Variants in SLC35F3 observed in about 807,000 individuals in gnomAD.
SLC35F3 encodes the protein solute carrier family 35 member F3.
A neutral mutation model predicts 49.9 loss-of-function variants in SLC35F3; 25 were observed. That is an observed-to-expected ratio of 0.50 (90% confidence interval 0.37 to 0.70). The LOEUF is 0.70. Among genes scored for constraint, SLC35F3 ranks in the 30% least tolerant of loss-of-function variants. SLC35F3 has a pLI of 0.00. For synonymous variants in SLC35F3, 275 were observed against 265.4 expected, an observed-to-expected ratio of 1.04 and a Z score of -0.35; for missense variants, 525 against 639.8, an observed-to-expected ratio of 0.82 and a Z score of 1.94.
chr1:234,153,210 TG>T (rs1666100931), intron 2 of SLC35F3, among the ~76,000 whole-genome samples: 1 of 152,206 alleles, frequency 6.6e-6, no homozygotes, highest in Non-Finnish European at 1.5e-5. Context: ...GACAATCACA[TG>T]ACTAGAGAGA....
intron 2 of SLC35F3, among the ~76,000 whole-genome samples, chr1:234,190,831 ACT>A (rs1666719136): frequency 6.6e-6 from 1 of 152,246 alleles, no homozygotes; most frequent in Non-Finnish European, 1.5e-5. Flanking sequence ...AGCAATTATT[ACT>A]GTTACTGCTT....
chr1:234,167,891 C>T lies in SLC35F3; in HGVS notation c.284-63526C>T, dbSNP rs557103475. ...CCAGCCCATGTTCTATCCCCTAGACCTGAGGTTGGCGCACTTTCTGGAATA... is the reference window on the plus strand; with the variant it reads ...CCAGCCCATGTTCTATCCCCTAGACTTGAGGTTGGCGCACTTTCTGGAATA... On this transcript the variant is annotated intron_variant, in intron 2 of 7. Transcript: ENST00000366618. Among the ~76,000 whole-genome samples, 8 of 152,286 alleles carry T rather than the reference C, an allele frequency of 5.3e-5. No individual in the cohort carries two copies. In the East Asian group the frequency reaches 1.5e-3, roughly 29 times the overall value.
chr1:233,924,138 T>A (rs2102789545), intron 2 of SLC35F3, among the ~76,000 whole-genome samples: 1 of 152,358 alleles, frequency 6.6e-6, no homozygotes, highest in Middle Eastern at 3.4e-3. Context: ...GGCTTTGGTA[T>A]CAGGATGATG....
intron 3 of SLC35F3, among the ~76,000 whole-genome samples, chr1:234,268,038 C>A (rs1668025718): frequency 6.6e-6 from 1 of 151,852 alleles, no homozygotes; most frequent in African/African-American, 2.4e-5. Context: ...ACGCTCCTCA[C>A]TTCCCAGACG....
At chr1:234,106,075 T>A (rs2102884574) in intron 2 of SLC35F3, among the ~76,000 whole-genome samples, 1 of 152,330 alleles carries the variant, frequency 6.6e-6, no homozygotes, top group South Asian at 2.1e-4. Flanking sequence ...CCACTGAAAT[T>A]TATGACTACG....
At chr1:234,155,604 T>A (rs909726749) in intron 2 of SLC35F3, among the ~76,000 whole-genome samples, 2 of 151,892 alleles carry the variant, frequency 1.3e-5, no homozygotes, top group Non-Finnish European at 2.9e-5. Context: ...ACAATTAAAA[T>A]ATTGTTAAAA....
At chr1:234,185,691 G>A (rs1173601594) in intron 2 of SLC35F3, among the ~76,000 whole-genome samples, 1 of 152,082 alleles carries the variant, frequency 6.6e-6, no homozygotes, top group African/African-American at 2.4e-5. Flanking sequence ...ACTTGGAAGG[G>A]GATACTTAAG....
intron 2 of SLC35F3, among the ~76,000 whole-genome samples, chr1:233,940,944 G>C (rs542845396): frequency 6.6e-6 from 1 of 152,276 alleles, no homozygotes; most frequent in South Asian, 2.1e-4. Context: ...CTCACCCACT[G>C]CCCGTGAAGA....
intron 2 of SLC35F3, among the ~76,000 whole-genome samples, chr1:233,922,404 A>AT (rs1662078193): frequency 6.8e-6 from 1 of 146,972 alleles, no homozygotes; most frequent in Non-Finnish European, 1.5e-5. Flanking sequence ...GATGATGAGC[A>AT]TTTTTTCATG....
chr1:234,229,865 A>T (rs1431545196), intron 2 of SLC35F3, among the ~76,000 whole-genome samples: 2 of 152,214 alleles, frequency 1.3e-5, no homozygotes, highest in East Asian at 3.8e-4. Flanking sequence ...ATTCACGGTG[A>T]GGAAAGTCAA....
rs1657551588 is a variant in SLC35F3 at position 234,318,820 on chromosome 1, G to A, written c.1024G>A (p.Val342Met). The A allele has an allele frequency of 6.2e-7, 1 of 1,614,106 alleles. No homozygotes were observed. Among genetic ancestry groups the A allele is most frequent in the South Asian group, 1.1e-5 (1 of 91,092 alleles). Residue 342 changes from valine (V) to methionine (M), a missense_variant, in exon 6 of 8, where the codon GTG (valine) becomes ATG (methionine). Physicochemically the swap from Val to Met is conservative, Grantham distance 21 (BLOSUM62 1). Transcript: ENST00000366618. The stretch of plus-strand genomic sequence containing the variant: ...CGCCTTATTTTTGTCCATCTTGGGT[G>A]TGTTTAACATCCTCTTCATCACCTG... The part of the protein sequence containing the change: ...EAALFLSILG[V>M]FNILFITCIP...
chr1:234,190,861 A>G (rs971381864), intron 2 of SLC35F3, among the ~76,000 whole-genome samples: 1 of 152,210 alleles, frequency 6.6e-6, no homozygotes, highest in African/African-American at 2.4e-5. Context: ...TCATTACAAG[A>G]CTGAACAAAG....
At chr1:233,971,331 A>C (rs1374590160) in intron 2 of SLC35F3, among the ~76,000 whole-genome samples, 2 of 152,246 alleles carry the variant, frequency 1.3e-5, no homozygotes, top group Non-Finnish European at 2.9e-5. Flanking sequence ...TTGGTAAACA[A>C]AATTTTAATG....
At chr1:234,267,893 G>C (rs1307673506) in intron 3 of SLC35F3, among the ~76,000 whole-genome samples, 22 of 139,780 alleles carry the variant, frequency 1.6e-4, no homozygotes, top group African/African-American at 2.5e-4. Flanking sequence ...CATCTCAGAC[G>C]ATGGGCTGCC....
chr1:234,317,200 G>A (rs3951267), intron 5 of SLC35F3, among the ~76,000 whole-genome samples: 3,607 of 152,300 alleles, frequency 0.024, 149 homozygotes, highest in African/African-American at 0.082. Flanking sequence ...CTGCCTTGAA[G>A]GCTAAATAAA....
intron 3 of SLC35F3, among the ~76,000 whole-genome samples, chr1:234,236,232 GAAGTTCA>G (rs1013523862): frequency 3.3e-5 from 5 of 152,096 alleles, no homozygotes; most frequent in Non-Finnish European, 7.3e-5. Context: ...ATTGAGCCCA[GAAGTTCA>G]AGACCAGCCT....
intron 2 of SLC35F3, among the ~76,000 whole-genome samples, chr1:233,987,942 T>A (rs972324649): frequency 6.6e-6 from 1 of 152,212 alleles, no homozygotes; most frequent in Non-Finnish European, 1.5e-5. Context: ...TTCTCACTCC[T>A]CAAAGTCTTG....
intron 6 of SLC35F3, 75 bp downstream of exon 6, chr1:234,319,018 G>T: frequency 7.7e-7 from 1 of 1,290,778 alleles, no homozygotes. Flanking sequence ...CATGTTCCCT[G>T]AAGGCAGAAA....
chr1:234,140,613 G>A (rs1665900833), intron 2 of SLC35F3, among the ~76,000 whole-genome samples: 2 of 152,018 alleles, frequency 1.3e-5, no homozygotes, highest in African/African-American at 2.4e-5. Flanking sequence ...CAATCTAGAC[G>A]CTTAGGCTTC....
Sources: gnomAD v4.1 joint callset for allele counts (sites outside exome capture counted in the v4.1 genomes callset) on GRCh38, gnomAD v4.1.1 for gene constraint, MANE v1.5 for transcripts, NCBI Gene and HGNC (gene_info 2026-07-23, HGNC 2026-07-21) for gene names.